TOX: variants seen among roughly 807,000 people sequenced by gnomAD.
The protein encoded by TOX is thymocyte selection associated high mobility group box, also known as thymocyte selection-associated high mobility group box protein TOX.
A neutral mutation model predicts 53.7 loss-of-function variants in TOX; 11 were observed. That is an observed-to-expected ratio of 0.20 (90% CI 0.13 to 0.34). TOX has a LOEUF of 0.34. Ranked by LOEUF, TOX falls within the 10% of genes least tolerant of loss-of-function variation. The pLI, the probability that TOX is intolerant of heterozygous loss-of-function variation, is 1.00. For missense variants in TOX, 570 were observed against 664.6 expected (o/e 0.86, Z 1.56); for synonymous variants, 225 against 245.3 (o/e 0.92, Z 0.77).
At chr8:58,862,168 G>A (rs1811022496) in intron 3 of TOX, among the ~76,000 whole-genome samples, 1 of 152,094 alleles carries the variant, frequency 6.6e-6, no homozygotes, top group African/African-American at 2.4e-5. Context: ...CTCTCCTTTT[G>A]AGCATGGTAT....
intron 3 of TOX, among the ~76,000 whole-genome samples, chr8:58,934,782 A>G (rs1388084109): frequency 3.9e-5 from 6 of 152,270 alleles, no homozygotes; most frequent in Non-Finnish European, 7.4e-5. Context: ...TGCTTTTCTC[A>G]TTTTATTTAA....
At chr8:59,050,685 A>G (rs965570719) in intron 1 of TOX, among the ~76,000 whole-genome samples, 1 of 152,162 alleles carries the variant, frequency 6.6e-6, no homozygotes, top group African/African-American at 2.4e-5. Flanking sequence ...GAGAAGCTCA[A>G]GATGACCTTC....
chr8:58,890,020 T>C (rs1307105281), intron 3 of TOX, among the ~76,000 whole-genome samples: 1 of 152,194 alleles, frequency 6.6e-6, no homozygotes, highest in Non-Finnish European at 1.5e-5. Flanking sequence ...GAAAAATATT[T>C]TTAAAAAATT....
At chr8:58,855,300 T>C (rs557239843) in intron 3 of TOX, among the ~76,000 whole-genome samples, 1 of 152,324 alleles carries the variant, frequency 6.6e-6, no homozygotes, top group Admixed American at 6.5e-5. Context: ...ATTCCAAGCC[T>C]AAGTCTGCAA....
intron 4 of TOX, among the ~76,000 whole-genome samples, chr8:58,839,505 T>C (rs757686944): frequency 6.6e-6 from 1 of 152,242 alleles, no homozygotes; most frequent in Non-Finnish European, 1.5e-5. Context: ...TGAACATATT[T>C]AAGATGGCTG....
chr8:58,884,174 A>G (rs1811431183), intron 3 of TOX, among the ~76,000 whole-genome samples: 1 of 152,220 alleles, frequency 6.6e-6, no homozygotes, highest in African/African-American at 2.4e-5. Flanking sequence ...CAGCATTTTA[A>G]TAGGTTTGAA....
intron 1 of TOX, among the ~76,000 whole-genome samples, chr8:59,011,008 A>G (rs921524647): frequency 2.6e-5 from 4 of 152,186 alleles, no homozygotes; most frequent in African/African-American, 9.7e-5. Context: ...TAAAGTCAGC[A>G]CCTCTGGGAA....
Position 58,808,202 on chromosome 8 carries a change from G to C in TOX, c.1460C>G (p.Thr487Ser). Residue 487 changes from threonine to serine, a missense_variant, in exon 8 of 9, where the codon ACC (threonine) becomes AGC (serine). Physicochemically the swap from Thr to Ser is moderately conservative, Grantham distance 58. This residue lies in a region of TOX where 239 missense variants were observed against 250.7 expected (regional missense o/e 0.95). Transcript: ENST00000361421. ...CGAACGCACATACTCCATTGCCTGGGTGACAACTTGTGCAGCTGTAGATGT... is the reference window on the plus strand; with the variant it reads ...CGAACGCACATACTCCATTGCCTGGCTGACAACTTGTGCAGCTGTAGATGT... The part of the protein sequence containing the change: ...NPTSTAAQVV[T>S]QAMEYVRSGC... 1.2e-6 allele frequency: 2 copies of C among 1,614,134 alleles called. No homozygotes were observed. The highest frequency in any genetic ancestry group is 2.2e-5 in the East Asian group (1 of 44,876).
At chr8:59,099,081 A>C (rs1804762165) in intron 1 of TOX, among the ~76,000 whole-genome samples, 1 of 152,220 alleles carries the variant, frequency 6.6e-6, no homozygotes, top group Admixed American at 6.5e-5. Flanking sequence ...AGACAACAGC[A>C]TTAGATTTTT....
chr8:59,090,869 A>G (rs1804596666), intron 1 of TOX, among the ~76,000 whole-genome samples: 1 of 152,212 alleles, frequency 6.6e-6, no homozygotes, highest in Non-Finnish European at 1.5e-5. Context: ...CACCTTCTGC[A>G]TGTGTCCTTA....
At chr8:59,102,960 T>C (rs1179463575) in intron 1 of TOX, among the ~76,000 whole-genome samples, 1 of 152,210 alleles carries the variant, frequency 6.6e-6, no homozygotes, top group African/African-American at 2.4e-5. Flanking sequence ...CCAAATTCGC[T>C]TCATGTTAGG....
chr8:59,068,223 A>G (rs73684879), intron 1 of TOX, among the ~76,000 whole-genome samples: 4,921 of 152,244 alleles, frequency 0.032, 291 homozygotes, highest in East Asian at 0.25. Flanking sequence ...TGAACGGTGA[A>G]AATAATAATT....
intron 1 of TOX, among the ~76,000 whole-genome samples, chr8:59,022,594 A>T (rs1431542622): frequency 6.6e-6 from 1 of 152,132 alleles, no homozygotes; most frequent in East Asian, 1.9e-4. Flanking sequence ...GTGTGATCTT[A>T]CTTTTCAGAT....
chr8:59,003,926 T>C (rs1236259301), intron 1 of TOX, among the ~76,000 whole-genome samples: 2 of 152,164 alleles, frequency 1.3e-5, no homozygotes, highest in Non-Finnish European at 2.9e-5. Flanking sequence ...GTATGTAAAA[T>C]ACAAGACCAA....
chr8:58,941,232 C>T (rs1242417043), intron 2 of TOX, among the ~76,000 whole-genome samples: 5 of 152,146 alleles, frequency 3.3e-5, no homozygotes, highest in Non-Finnish European at 7.4e-5. Flanking sequence ...TACAAGTATG[C>T]ATATAAGCAT....
intron 1 of TOX, among the ~76,000 whole-genome samples, chr8:59,066,004 A>G (rs1160742681): frequency 3.3e-5 from 5 of 152,210 alleles, no homozygotes; most frequent in Non-Finnish European, 5.9e-5. Flanking sequence ...TAGACAAAAG[A>G]TGTCCAAATT....
intron 3 of TOX, among the ~76,000 whole-genome samples, chr8:58,899,358 C>T (rs1262358296): frequency 6.6e-6 from 1 of 152,120 alleles, no homozygotes; most frequent in Admixed American, 6.5e-5. Flanking sequence ...AAAATCTGTG[C>T]TTTAGACACC....
At chr8:59,041,969 T>C (rs982489172) in intron 1 of TOX, among the ~76,000 whole-genome samples, 9 of 152,230 alleles carry the variant, frequency 5.9e-5, no homozygotes, top group African/African-American at 1.7e-4. Context: ...AATGTGCCCA[T>C]AGAATTCCTT....
intron 1 of TOX, among the ~76,000 whole-genome samples, chr8:59,001,628 A>G (rs146508400): frequency 0.016 from 2,429 of 152,312 alleles, 37 homozygotes; most frequent in Non-Finnish European, 0.023. Flanking sequence ...TAAAGAAGAT[A>G]AGGACCTCTA....
Sources: gnomAD v4.1 joint callset for allele counts (sites outside exome capture counted in the v4.1 genomes callset) on GRCh38, gnomAD v4.1.1 for gene constraint, gnomAD v4.1.1 regional missense constraint, MANE v1.5 for transcripts, NCBI Gene and HGNC (gene_info 2026-07-23, HGNC 2026-07-21) for gene names.